The following PTPRN2 variants were observed in gnomAD, a reference collection of about 807,000 sequenced individuals.
The protein encoded by PTPRN2 is receptor-type tyrosine-protein phosphatase N2.
A neutral mutation model predicts 118.8 loss-of-function variants in PTPRN2; 74 were observed. That is an observed-to-expected ratio of 0.62 (90% CI 0.52 to 0.76). PTPRN2 has a LOEUF of 0.76. Ranked by LOEUF, PTPRN2 falls within the 30% of genes least tolerant of loss-of-function variation. PTPRN2 has a pLI of 0.00. For synonymous variants in PTPRN2, 641 were observed against 608.0 expected, an observed-to-expected ratio of 1.05 and a Z score of -0.80; for missense variants, 1,481 against 1,394.4, an observed-to-expected ratio of 1.06 and a Z score of -0.99.
chr7:158,061,426 G>A (rs994164057), intron 11 of PTPRN2, among the ~76,000 whole-genome samples: 52 of 152,230 alleles, frequency 3.4e-4, no homozygotes, highest in African/African-American at 1.2e-3. Flanking sequence ...CTGCCGCTGT[G>A]GCTCAGACCC....
At chr7:158,001,134 AGGTGGGGTGCAAGGTGGG>A (rs1166327913) in intron 11 of PTPRN2, among the ~76,000 whole-genome samples, 5 of 47,300 alleles carry the variant, frequency 1.1e-4, no homozygotes, top group Non-Finnish European at 1.9e-4. Context: ...GTTTGGCCGC[AGGTGGGGTGCAAGGTGGG>A]GCTGGGGTTT....
At chr7:157,817,889 G>A (rs575875150) in intron 12 of PTPRN2, among the ~76,000 whole-genome samples, 1,869 of 152,210 alleles carry the variant, frequency 0.012, 23 homozygotes, top group Non-Finnish European at 0.019. Context: ...TTTGTGTGGT[G>A]TGTGTAGTGA....
chr7:158,381,478 G>A (rs1810962174), intron 2 of PTPRN2, among the ~76,000 whole-genome samples: 1 of 152,114 alleles, frequency 6.6e-6, no homozygotes, highest in Admixed American at 6.5e-5. Flanking sequence ...ATTTCCATCT[G>A]AGACCACCTC....
chr7:157,577,061 ACTTT>A (rs1016142385), intron 18 of PTPRN2, among the ~76,000 whole-genome samples: 6 of 152,140 alleles, frequency 3.9e-5, no homozygotes, highest in Admixed American at 2.6e-4. Flanking sequence ...AAACTATCCT[ACTTT>A]CTGTCTTTTG....
intron 12 of PTPRN2, among the ~76,000 whole-genome samples, chr7:157,842,766 A>G (rs977842216): frequency 6.6e-6 from 1 of 152,138 alleles, no homozygotes; most frequent in African/African-American, 2.4e-5. Flanking sequence ...CAGCCCTTTG[A>G]TTTCAGATCA....
chr7:158,221,920 T>C lies in PTPRN2; in HGVS notation c.278-16647A>G, dbSNP rs552666574. ...CCCATTAAAAAATGGGTAGGAGACA[T>C]GAACAGACACTTCTTAAAAGAAGAC... On this transcript the variant is annotated intron_variant, in intron 3 of 22. Coordinates refer to ENST00000389418, the MANE Select transcript of PTPRN2 (RefSeq NM_002847.5). 1.2e-4 allele frequency among the ~76,000 whole-genome samples: 19 copies of C among 152,136 alleles called. No homozygotes were observed. The South Asian group carries it at 2.9e-3, about 23-fold the overall frequency.
At chr7:158,404,259 T>C (rs574535178) in intron 2 of PTPRN2, among the ~76,000 whole-genome samples, 1 of 152,342 alleles carries the variant, frequency 6.6e-6, no homozygotes, top group East Asian at 1.9e-4. Context: ...TGTGCTGCTG[T>C]GTCACACGTG....
At chr7:157,625,324 C>G (rs1257280881) in intron 14 of PTPRN2, among the ~76,000 whole-genome samples, 2 of 152,180 alleles carry the variant, frequency 1.3e-5, no homozygotes, top group Non-Finnish European at 2.9e-5. Context: ...AATTGTGGAA[C>G]AAACCCAAAT....
chr7:157,900,173 G>A (rs1433751179), intron 11 of PTPRN2, among the ~76,000 whole-genome samples: 3 of 152,214 alleles, frequency 2.0e-5, no homozygotes, highest in Non-Finnish European at 2.9e-5. Context: ...GCCGGGGAGC[G>A]CCCTTTTCCT....
At chr7:158,262,886 C>A (rs1255693852) in intron 3 of PTPRN2, among the ~76,000 whole-genome samples, 1 of 147,784 alleles carries the variant, frequency 6.8e-6, no homozygotes, top group African/African-American at 2.5e-5. Context: ...CACACACATA[C>A]ATTCACACAC....
At chr7:158,096,940 G>A (rs1814675438) in intron 10 of PTPRN2, among the ~76,000 whole-genome samples, 1 of 152,178 alleles carries the variant, frequency 6.6e-6, no homozygotes, top group Non-Finnish European at 1.5e-5. Flanking sequence ...GCACAGCACT[G>A]TCGCTGCAGT....
chr7:157,784,976 C>T lies in PTPRN2; in HGVS notation c.1789-102039G>A, dbSNP rs1179260030. On this transcript the variant is annotated intron_variant, in intron 12 of 22. Transcript: ENST00000389418. This position sits in a 1 kb window ranked among gnomAD's most constrained non-coding sequence, Gnocchi z 4.6. Reference sequence around the variant, plus strand: ...GGCTGGAGAGGAGAGCAGAGGGAGCCGAGGCCCTCTGTCCAGGCGGCTGAG... The same window carrying T: ...GGCTGGAGAGGAGAGCAGAGGGAGCTGAGGCCCTCTGTCCAGGCGGCTGAG... 4.6e-5 allele frequency among the ~76,000 whole-genome samples: 7 copies of T among 152,108 alleles called. No individual in the cohort carries two copies. Among genetic ancestry groups the T allele is most frequent in the Non-Finnish European group, 8.8e-5 (6 of 68,004 alleles).
intron 12 of PTPRN2, among the ~76,000 whole-genome samples, chr7:157,772,251 ACG>A (rs1802899641): frequency 5.9e-5 from 9 of 151,324 alleles, no homozygotes; most frequent in Non-Finnish European, 2.9e-5. Context: ...ACAGACACAG[ACG>A]CACACAGACA....
intron 3 of PTPRN2, among the ~76,000 whole-genome samples, chr7:158,294,158 G>A (rs1020908592): frequency 1.3e-5 from 2 of 152,182 alleles, no homozygotes; most frequent in South Asian, 2.1e-4. Flanking sequence ...AGGTCAGTCG[G>A]TGACAGGGGT....
At chr7:157,954,602 G>A (rs1801067200) in intron 11 of PTPRN2, among the ~76,000 whole-genome samples, 1 of 151,956 alleles carries the variant, frequency 6.6e-6, no homozygotes, top group Admixed American at 6.6e-5. Flanking sequence ...TGGTGTGTGT[G>A]TGTGGTGTGG....
At chr7:158,140,287 C>A (rs376737865) in intron 6 of PTPRN2, among the ~76,000 whole-genome samples, 1 of 152,196 alleles carries the variant, frequency 6.6e-6, no homozygotes, top group South Asian at 2.1e-4. Flanking sequence ...GGCGCCAGGG[C>A]GTTTCAACAG....
In PTPRN2 at chr7:157,986,718, G is replaced by A. The variant is rs555773396; in HGVS notation, c.1724-87981C>T. Reference sequence around the variant, plus strand: ...AATAATGAAGGCTTCACTCTTCCACGGGGTTCTGCCCTTGGAAGAACTAAT... The same window carrying A: ...AATAATGAAGGCTTCACTCTTCCACAGGGTTCTGCCCTTGGAAGAACTAAT... On this transcript the variant is annotated intron_variant, in intron 11 of 22. Transcript: ENST00000389418. This position sits in a 1 kb window ranked among gnomAD's most constrained non-coding sequence, Gnocchi z 4.5. 7.9e-5 allele frequency among the ~76,000 whole-genome samples: 12 copies of A among 152,218 alleles called. No individual in the cohort carries two copies. The highest frequency in any genetic ancestry group is 2.9e-4 in the African/African-American group (12 of 41,534).
intron 2 of PTPRN2, among the ~76,000 whole-genome samples, chr7:158,336,771 G>A (rs1291852932): frequency 2.0e-5 from 2 of 100,710 alleles, no homozygotes; most frequent in Admixed American, 1.9e-4. Context: ...CTCACCATAA[G>A]AGGTGACACC....
intron 2 of PTPRN2, among the ~76,000 whole-genome samples, chr7:158,454,033 G>A (rs1277198500): frequency 2.7e-5 from 4 of 147,494 alleles, no homozygotes; most frequent in African/African-American, 5.0e-5. Context: ...GATTGGGGAT[G>A]GTTGCTATGG....
Sources: allele counts gnomAD v4.1 joint callset (sites outside exome capture counted in the v4.1 genomes callset), GRCh38; gene constraint gnomAD v4.1.1; non-coding constraint Gnocchi (gnomAD v3.1); transcripts MANE v1.5; gene names NCBI Gene and HGNC (gene_info 2026-07-23, HGNC 2026-07-21).